DLGAP2: variants seen among roughly 807,000 people sequenced by gnomAD.
DLGAP2 encodes DLG associated protein 2.
In DLGAP2, 26 loss-of-function variants were observed where a neutral mutation model predicts 100.3. The observed-to-expected ratio is 0.26, with a 90% CI of 0.19 to 0.36. The LOEUF (loss-of-function observed/expected upper bound fraction) is 0.36. DLGAP2 is among the 10% of genes least tolerant of loss of function. The probability of loss-of-function intolerance (pLI) is 1.00; values close to 1 mark genes in which losing one functional copy is unlikely to be tolerated. For synonymous variants in DLGAP2, 886 were observed against 630.1 expected (o/e 1.41, Z -6.08); for missense variants, 1,858 against 1,453.2 (o/e 1.28, Z -4.53).
intron 3 of DLGAP2, among the ~76,000 whole-genome samples, chr8:1,430,851 G>A (rs1042637460): frequency 2.0e-5 from 3 of 152,182 alleles, no homozygotes; most frequent in Admixed American, 6.5e-5. Flanking sequence ...GAATGGCACG[G>A]CAGCGTCTTT....
intron 3 of DLGAP2, among the ~76,000 whole-genome samples, chr8:1,483,712 C>G (rs67407236): frequency 0.23 from 1,706 of 7,434 alleles, 24 homozygotes; most frequent in African/African-American, 0.35. Context: ...AGGTGCAGGA[C>G]GTGGGGACCA....
intron 2 of DLGAP2, among the ~76,000 whole-genome samples, chr8:1,139,301 C>G (rs1796480040): frequency 6.6e-6 from 1 of 152,242 alleles, no homozygotes; most frequent in Admixed American, 6.5e-5. Context: ...TCAGTAAGCA[C>G]TGTCTCAGCT....
intron 3 of DLGAP2, among the ~76,000 whole-genome samples, chr8:1,279,368 T>C (rs971134218): frequency 3.3e-5 from 5 of 152,226 alleles, no homozygotes; most frequent in African/African-American, 1.2e-4. Context: ...TATGTAAATA[T>C]GTGGGCATAA....
At chr8:1,031,778 A>G (rs1211333021) in intron 2 of DLGAP2, among the ~76,000 whole-genome samples, 2 of 152,216 alleles carry the variant, frequency 1.3e-5, no homozygotes, top group Non-Finnish European at 2.9e-5. Context: ...TTTATTAAGA[A>G]TGAGTTTACC....
At chr8:922,130 G>C (rs1377491510) in intron 2 of DLGAP2, among the ~76,000 whole-genome samples, 1 of 152,236 alleles carries the variant, frequency 6.6e-6, no homozygotes, top group Non-Finnish European at 1.5e-5. Context: ...ATCTGTCCTT[G>C]TTTTCAGAGG....
At chr8:1,240,967 C>A (rs370483060) in intron 2 of DLGAP2, among the ~76,000 whole-genome samples, 3 of 5,952 alleles carry the variant, frequency 5.0e-4, no homozygotes, top group South Asian at 9.0e-3. Context: ...TCTTACATGG[C>A]GCCGTGTCTA....
chr8:854,257 G>T (rs1019593459), intron 1 of DLGAP2, among the ~76,000 whole-genome samples: 1 of 152,178 alleles, frequency 6.6e-6, no homozygotes, highest in Non-Finnish European at 1.5e-5. Flanking sequence ...GGTTAGTGGG[G>T]CTTGTGTAGG....
chr8:1,320,361 C>T (rs1003415652), intron 3 of DLGAP2, among the ~76,000 whole-genome samples: 1 of 152,048 alleles, frequency 6.6e-6, no homozygotes, highest in Non-Finnish European at 1.5e-5. Context: ...ACCGTAGCGT[C>T]GCATCCTACA....
At chr8:913,498 A>C (rs528544287) in intron 2 of DLGAP2, among the ~76,000 whole-genome samples, 1 of 152,362 alleles carries the variant, frequency 6.6e-6, no homozygotes, top group Admixed American at 6.5e-5. Flanking sequence ...TGACTCCATT[A>C]GTGTCACACC....
At position 1,587,948 on chromosome 8, in the gene DLGAP2, G is replaced by A. The variant is rs1338854190; in HGVS notation, c.1442+22054G>A. Among the ~76,000 whole-genome samples the A allele has an allele frequency of 2.0e-5, 3 of 152,170 alleles. No homozygotes were observed. In the East Asian group the frequency reaches 5.8e-4, roughly 29 times the overall value. On this transcript the variant is annotated intron_variant, in intron 6 of 14. Transcript: ENST00000637795. Reference sequence around the variant, plus strand: ...TACTAGCTCTTCACTATACCAATGAGCTACTTTTCTGAGTTTTCCTGTAAC... The same window carrying A: ...TACTAGCTCTTCACTATACCAATGAACTACTTTTCTGAGTTTTCCTGTAAC...
At chr8:1,648,782 A>G (rs1798099710) in intron 8 of DLGAP2, among the ~76,000 whole-genome samples, 1 of 152,172 alleles carries the variant, frequency 6.6e-6, no homozygotes, top group Non-Finnish European at 1.5e-5. Flanking sequence ...TCTACTGAGT[A>G]CAGGCTTTTG....
intron 3 of DLGAP2, among the ~76,000 whole-genome samples, chr8:1,497,157 C>T (rs893015048): frequency 2.6e-5 from 4 of 152,174 alleles, no homozygotes; most frequent in African/African-American, 9.7e-5. Flanking sequence ...ACTGTTTCTC[C>T]AGTGAAGACA....
chr8:1,058,309 G>A (rs573785170), intron 2 of DLGAP2, among the ~76,000 whole-genome samples: 33 of 152,326 alleles, frequency 2.2e-4, no homozygotes, highest in Admixed American at 9.1e-4. Flanking sequence ...GGCACTGAGA[G>A]AATAAGCCCG....
At chr8:1,524,636 T>C (rs571061798) in intron 4 of DLGAP2, among the ~76,000 whole-genome samples, 65 of 152,188 alleles carry the variant, frequency 4.3e-4, no homozygotes, top group Non-Finnish European at 7.8e-4. Flanking sequence ...CATATCATCT[T>C]CTCAAAAAAA....
chr8:1,571,294 A>AGGG (rs1802663200), intron 6 of DLGAP2, among the ~76,000 whole-genome samples: 7 of 91,418 alleles, frequency 7.7e-5, no homozygotes, highest in Admixed American at 1.3e-4. Context: ...GAGAGGAGAG[A>AGGG]GGTGAACTGT....
intron 3 of DLGAP2, among the ~76,000 whole-genome samples, chr8:1,347,017 C>G (rs998999174): frequency 1.3e-5 from 2 of 152,032 alleles, no homozygotes; most frequent in East Asian, 1.9e-4. Context: ...GGTTGAGTTA[C>G]CATACAGAGC....
At chr8:796,433 A>G (rs190846009) in intron 1 of DLGAP2, among the ~76,000 whole-genome samples, 1 of 151,378 alleles carries the variant, frequency 6.6e-6, no homozygotes, top group East Asian at 2.0e-4. Flanking sequence ...TGCTTTCCTG[A>G]TGTTTGATGC....
intron 1 of DLGAP2, among the ~76,000 whole-genome samples, chr8:902,302 G>A (rs986122066): frequency 6.6e-6 from 1 of 151,926 alleles, no homozygotes; most frequent in African/African-American, 2.4e-5. Flanking sequence ...CGTGTGTTCT[G>A]GGACTGTGTT....
chr8:954,685 G>A (rs933137568), intron 2 of DLGAP2, among the ~76,000 whole-genome samples: 2 of 152,108 alleles, frequency 1.3e-5, no homozygotes, highest in African/African-American at 2.4e-5. Context: ...ATTGATTATG[G>A]TTACATATAT....
Sources: allele counts gnomAD v4.1 joint callset (sites outside exome capture counted in the v4.1 genomes callset), GRCh38; gene constraint gnomAD v4.1.1; transcripts MANE v1.5; gene names NCBI Gene and HGNC (gene_info 2026-07-23, HGNC 2026-07-21).